Variants in CALCRL observed in about 807,000 individuals in gnomAD.
The protein encoded by CALCRL is calcitonin receptor like receptor.
CALCRL carries 27 observed loss-of-function variants against 60.4 expected under a neutral mutation model. That is an observed-to-expected ratio of 0.45 (90% confidence interval 0.33 to 0.62). CALCRL has a LOEUF of 0.62. Among genes scored for constraint, CALCRL ranks in the 20% least tolerant of loss-of-function variants. The probability of loss-of-function intolerance (pLI) is 0.03; values close to 1 mark genes in which losing one functional copy is unlikely to be tolerated. For missense variants in CALCRL, 424 were observed against 540.7 expected (o/e 0.78, Z 2.14); for synonymous variants, 190 against 182.6 (o/e 1.04, Z -0.33).
rs1690871412 is a variant in CALCRL at position 187,440,806 on chromosome 2, CTGA to C, written c.-293+7230_-293+7232del. Among the ~76,000 whole-genome samples, 3 of 152,130 alleles carry C rather than the reference CTGA, an allele frequency of 2.0e-5. No homozygotes were observed. The South Asian group carries it at 6.2e-4, about 32-fold the overall frequency. ...TTTTATGATCAAAACGACTTTCACA[CTGA>C]TAACATGGAACATAGAACAGGAAAT... On this transcript the variant is annotated intron_variant, in intron 1 of 14. Coordinates refer to ENST00000392370, the MANE Select transcript of CALCRL (RefSeq NM_005795.6).
At chr2:187,417,585 A>G (rs969404451) in intron 1 of CALCRL, among the ~76,000 whole-genome samples, 3 of 152,118 alleles carry the variant, frequency 2.0e-5, no homozygotes, top group African/African-American at 7.2e-5. Flanking sequence ...TGTAATGAAC[A>G]ACTACAGAAC....
chr2:187,442,140 A>T (rs1690948380), intron 1 of CALCRL: 1 of 148,198 alleles, frequency 6.7e-6, no homozygotes, highest in East Asian at 2.0e-4. Flanking sequence ...ATACATACAC[A>T]CACACATACA....
intron 8 of CALCRL, among the ~76,000 whole-genome samples, chr2:187,371,004 A>G (rs1401184600): frequency 6.6e-6 from 1 of 152,174 alleles, no homozygotes; most frequent in East Asian, 1.9e-4. Context: ...GCATTTTGGG[A>G]GGCCAAGGCG....
intron 1 of CALCRL, among the ~76,000 whole-genome samples, chr2:187,437,539 A>C (rs1012926824): frequency 1.3e-5 from 2 of 152,222 alleles, no homozygotes; most frequent in Non-Finnish European, 2.9e-5. Context: ...TTGTAAAGAC[A>C]GCCCTATTTT....
At chr2:187,348,473 C>G in intron 14 of CALCRL, among the ~76,000 whole-genome samples, 1 of 151,480 alleles carries the variant, frequency 6.6e-6, no homozygotes, top group East Asian at 1.9e-4. Context: ...TGAGAAAAAG[C>G]TGAGAGGAAG....
intron 1 of CALCRL, among the ~76,000 whole-genome samples, chr2:187,433,989 A>G (rs1690517821): frequency 6.6e-6 from 1 of 151,772 alleles, no homozygotes; most frequent in South Asian, 2.1e-4. Flanking sequence ...AGCTTCATAA[A>G]TTATTGTAAA....
chr2:187,343,416 T>C lies in CALCRL; in HGVS notation c.*2768A>G, dbSNP rs1276480043. 6.6e-6 allele frequency: 1 copy of C among 151,864 alleles called. No individual in the cohort carries two copies. The highest frequency in any genetic ancestry group is 1.5e-5 in the Non-Finnish European group (1 of 67,526). 9.4% of individuals were successfully genotyped at this position (151,864 alleles called of 1,614,324 possible). On this transcript the variant is annotated 3_prime_UTR_variant, in exon 15 of 15. Coordinates refer to ENST00000392370, the MANE Select transcript of CALCRL (RefSeq NM_005795.6). ...ATATATTTTTACAGATAACTAGTGG[T>C]TTCTACTAGCAGATTAAAACCAAGA...
chr2:187,415,795 G>A (rs550206345), intron 1 of CALCRL: 8 of 454,164 alleles, frequency 1.8e-5, no homozygotes, highest in Middle Eastern at 6.4e-4. Context: ...CAATGAATTT[G>A]GCTACACCAA....
intron 1 of CALCRL, among the ~76,000 whole-genome samples, chr2:187,424,235 T>C (rs1331586437): frequency 1.3e-5 from 2 of 152,004 alleles, no homozygotes; most frequent in Non-Finnish European, 2.9e-5. Context: ...CTCCTTTAAA[T>C]GAGGGGTCTG....
chr2:187,404,169 C>T (rs953533221), intron 1 of CALCRL, among the ~76,000 whole-genome samples: 5 of 151,834 alleles, frequency 3.3e-5, no homozygotes, highest in Admixed American at 1.3e-4. Context: ...AAAAAAAATG[C>T]CCCGTCATGC....
chr2:187,375,419 TC>T (rs1162057972), intron 8 of CALCRL, among the ~76,000 whole-genome samples: 6 of 152,156 alleles, frequency 3.9e-5, no homozygotes, highest in Non-Finnish European at 5.9e-5. Context: ...AGTGAAAACT[TC>T]AAGTGGAAGT....
In CALCRL at chr2:187,385,592, C is replaced by T. The variant is rs879841583; in HGVS notation, c.4G>A (p.Glu2Lys). The change falls in exon 4 of 15, where the codon GAG becomes AAG. Residue 2 changes from glutamate (E) to lysine (K), a missense_variant. Physicochemically the swap from Glu to Lys is moderately conservative, Grantham distance 56 (BLOSUM62 1). Around this residue, in one of 7 missense-constraint regions of CALCRL, gnomAD observed 108 missense variants for 132.9 expected, o/e 0.81. Transcript: ENST00000392370. The stretch of plus-strand genomic sequence containing the variant: ...AGAAAATACAGGGTACACTTTTTCT[C>T]CATCATTAAGCCAAAATGAAATATG... M[E>K]KKCTLYFLVL... The T allele has an allele frequency of 4.5e-6, 7 of 1,564,106 alleles. No individual in the cohort carries two copies. Among genetic ancestry groups the T allele is most frequent in the Non-Finnish European group, 5.2e-6 (6 of 1,144,706 alleles).
At chr2:187,446,475 G>C (rs969262031) in intron 1 of CALCRL, among the ~76,000 whole-genome samples, 1 of 151,576 alleles carries the variant, frequency 6.6e-6, no homozygotes, top group Admixed American at 6.6e-5. Flanking sequence ...TTATGGGTTT[G>C]GGACTAGCAA....
At chr2:187,389,809 TTTGA>T (rs1688358784) in intron 1 of CALCRL, among the ~76,000 whole-genome samples, 3 of 152,174 alleles carry the variant, frequency 2.0e-5, no homozygotes, top group African/African-American at 7.2e-5. Context: ...TTGATCTTCC[TTTGA>T]TTAACTTTAT....
chr2:187,427,107 G>A (rs185993788), intron 1 of CALCRL, among the ~76,000 whole-genome samples: 3 of 152,218 alleles, frequency 2.0e-5, no homozygotes, highest in Admixed American at 6.5e-5. Flanking sequence ...TGTTTTTTGT[G>A]TGGGGAGGGA....
intron 4 of CALCRL, among the ~76,000 whole-genome samples, chr2:187,384,173 G>C (rs1412557239): frequency 1.3e-5 from 2 of 152,016 alleles, no homozygotes; most frequent in African/African-American, 4.8e-5. Context: ...CACCTCTCAA[G>C]CTTAAGTTTT....
At chr2:187,352,398 G>C in intron 12 of CALCRL, 66 bp from the exon 13 acceptor site, 1 of 867,256 alleles carries the variant, frequency 1.2e-6, no homozygotes, top group Non-Finnish European at 1.9e-6. Context: ...CATTATTCAA[G>C]TATCTCCAAT....
chr2:187,388,717 AAC>A (rs1484535037), intron 1 of CALCRL, among the ~76,000 whole-genome samples: 1 of 152,152 alleles, frequency 6.6e-6, no homozygotes, highest in Admixed American at 6.6e-5. Context: ...TATATTTATT[AAC>A]AGATATATTT....
chr2:187,356,104 C>T (rs1242151563), intron 12 of CALCRL, among the ~76,000 whole-genome samples: 1 of 152,132 alleles, frequency 6.6e-6, no homozygotes, highest in Non-Finnish European at 1.5e-5. Flanking sequence ...AATGCTATCC[C>T]CATCAAGCTA....
Sources: allele counts gnomAD v4.1 joint callset (sites outside exome capture counted in the v4.1 genomes callset), GRCh38; gene constraint gnomAD v4.1.1; regional missense constraint gnomAD v4.1.1; transcripts MANE v1.5; gene names NCBI Gene and HGNC (gene_info 2026-07-23, HGNC 2026-07-21).